The following ZNF804A variants were observed in gnomAD, a reference collection of about 807,000 sequenced individuals.
ZNF804A encodes the protein zinc finger protein 804A.
ZNF804A carries 2 observed loss-of-function variants against 16.5 expected under a neutral mutation model. That is an observed-to-expected ratio of 0.12 (90% confidence interval 0.05 to 0.38). The LOEUF (loss-of-function observed/expected upper bound fraction) is 0.38. Among genes scored for constraint, ZNF804A ranks in the 10% least tolerant of loss-of-function variants. The pLI, the probability that ZNF804A is intolerant of heterozygous loss-of-function variation, is 0.99. For synonymous variants in ZNF804A, 534 were observed against 489.6 expected, an observed-to-expected ratio of 1.09 and a Z score of -1.20; for missense variants, 1,473 against 1,390.7, an observed-to-expected ratio of 1.06 and a Z score of -0.94.
At chr2:184,898,786 GA>G (rs1327115884) in intron 2 of ZNF804A, among the ~76,000 whole-genome samples, 2 of 151,832 alleles carry the variant, frequency 1.3e-5, no homozygotes, top group Non-Finnish European at 1.5e-5. Flanking sequence ...TTCTTCCAAA[GA>G]AGAAATATCT....
At position 184,739,988 on chromosome 2, in the gene ZNF804A, T is replaced by C. The variant is rs986273255; in HGVS notation, c.112-126381T>C. ...TTGAATTAATTGAAATAGAATGAAA[T>C]ACAATTTTCTTGTAAGATTTATCAC... On this transcript the variant is annotated intron_variant, in intron 1 of 3. Transcript: ENST00000302277. 3.3e-5 allele frequency among the ~76,000 whole-genome samples: 5 copies of C among 152,308 alleles called. 1 individual carries two copies. Among genetic ancestry groups the C allele is most frequent in the Admixed American group, 3.3e-4 (5 of 15,290 alleles).
At chr2:184,764,982 A>C (rs72901884) in intron 1 of ZNF804A, among the ~76,000 whole-genome samples, 12,727 of 152,246 alleles carry the variant, frequency 0.084, 757 homozygotes, top group East Asian at 0.2. Flanking sequence ...TTTTAAAAAA[A>C]CTATTTCCTT....
intron 1 of ZNF804A, among the ~76,000 whole-genome samples, chr2:184,850,609 TTCTC>T (rs1695587509): frequency 6.6e-6 from 1 of 151,704 alleles, no homozygotes; most frequent in Non-Finnish European, 1.5e-5. Flanking sequence ...TTTTTTAACT[TTCTC>T]TCTTAAGAAC....
At chr2:184,836,403 C>T (rs1181837289) in intron 1 of ZNF804A, among the ~76,000 whole-genome samples, 2 of 152,030 alleles carry the variant, frequency 1.3e-5, no homozygotes, top group Non-Finnish European at 2.9e-5. Flanking sequence ...TAAGTCATTA[C>T]AGACAAGATA....
In ZNF804A at chr2:184,888,925, T is replaced by G. The variant is rs147035541; in HGVS notation, c.255+22413T>G. Among the ~76,000 whole-genome samples the G allele has an allele frequency of 2.6e-4, 40 of 152,184 alleles. No individual in the cohort carries two copies. The East Asian group carries it at 5.6e-3, about 21-fold the overall frequency. On this transcript the variant is annotated intron_variant, in intron 2 of 3. Transcript: ENST00000302277. ...GCTATTTTTCACTTTTTATAAAAAG[T>G]GTTTGTGTGTATGTGTGTATAATAA...
chr2:184,758,127 T>C (rs2105761962), intron 1 of ZNF804A, among the ~76,000 whole-genome samples: 1 of 152,084 alleles, frequency 6.6e-6, no homozygotes, highest in Non-Finnish European at 1.5e-5. Flanking sequence ...ATGGGGAAAT[T>C]TGACATCTCT....
At chr2:184,844,384 T>C (rs986756560) in intron 1 of ZNF804A, among the ~76,000 whole-genome samples, 4 of 152,150 alleles carry the variant, frequency 2.6e-5, no homozygotes, top group Non-Finnish European at 5.9e-5. Context: ...CTTCTTTTAA[T>C]AGTTTTTGCA....
At chr2:184,628,194 A>G (rs935546515) in intron 1 of ZNF804A, among the ~76,000 whole-genome samples, 1 of 152,068 alleles carries the variant, frequency 6.6e-6, no homozygotes, top group Admixed American at 6.6e-5. Context: ...CATGCCTGCA[A>G]TCCCAGCTAC....
intron 1 of ZNF804A, among the ~76,000 whole-genome samples, chr2:184,790,407 T>C (rs1694519658): frequency 6.6e-6 from 1 of 152,024 alleles, no homozygotes. Flanking sequence ...GGTGATTTTC[T>C]GCCTCAATGT....
At chr2:184,884,015 C>T (rs1471082009) in intron 2 of ZNF804A, among the ~76,000 whole-genome samples, 2 of 152,054 alleles carry the variant, frequency 1.3e-5, no homozygotes, top group African/African-American at 2.4e-5. Context: ...GAAAGTCAAA[C>T]TATCCTTGTA....
Position 184,761,100 on chromosome 2 carries a change from T to C in ZNF804A, c.112-105269T>C, listed in dbSNP as rs555773192. On this transcript the variant is annotated intron_variant, in intron 1 of 3. Transcript: ENST00000302277. Reference sequence around the variant, plus strand: ...CTTTTGAGTTCTTACTGGAATACTTTTCACGGAACTTAAATTAGTTTTACT... The same window carrying C: ...CTTTTGAGTTCTTACTGGAATACTTCTCACGGAACTTAAATTAGTTTTACT... Among the ~76,000 whole-genome samples the C allele has an allele frequency of 1.3e-4, 20 of 152,276 alleles. No individual in the cohort carries two copies. The East Asian group carries it at 3.9e-3, about 29-fold the overall frequency.
At chr2:184,777,494 TC>T (rs1475296116) in intron 1 of ZNF804A, among the ~76,000 whole-genome samples, 1 of 151,498 alleles carries the variant, frequency 6.6e-6, no homozygotes, top group Non-Finnish European at 1.5e-5. Context: ...TCACTGTCAT[TC>T]CCTTCACTTC....
chr2:184,842,512 A>AAT (rs1695453129), intron 1 of ZNF804A, among the ~76,000 whole-genome samples: 1 of 148,748 alleles, frequency 6.7e-6, no homozygotes, highest in South Asian at 2.1e-4. Flanking sequence ...TGGAGCTGGG[A>AAT]TTTTTTTTTT....
chr2:184,712,825 G>T (rs1225756863), intron 1 of ZNF804A, among the ~76,000 whole-genome samples: 3 of 151,466 alleles, frequency 2.0e-5, no homozygotes, highest in African/African-American at 4.8e-5. Flanking sequence ...TTTCAGTTTA[G>T]TTATACTCAT....
chr2:184,767,771 C>T (rs1377008252), intron 1 of ZNF804A, among the ~76,000 whole-genome samples: 1 of 151,930 alleles, frequency 6.6e-6, no homozygotes, highest in Non-Finnish European at 1.5e-5. Flanking sequence ...TAAGGAATTA[C>T]AAGGAGTCTA....
At chr2:184,722,345 T>C (rs957691946) in intron 1 of ZNF804A, among the ~76,000 whole-genome samples, 6 of 152,034 alleles carry the variant, frequency 3.9e-5, no homozygotes, top group African/African-American at 1.4e-4. Context: ...GGAAAATAAA[T>C]GGTGTACATC....
At chr2:184,742,888 G>A (rs1479841390) in intron 1 of ZNF804A, among the ~76,000 whole-genome samples, 1 of 151,846 alleles carries the variant, frequency 6.6e-6, no homozygotes, top group Admixed American at 6.6e-5. Context: ...TGGTGAAAGT[G>A]AGCCATGTTG....
At chr2:184,830,111 C>A (rs1021879056) in intron 1 of ZNF804A, among the ~76,000 whole-genome samples, 1 of 45,764 alleles carries the variant, frequency 2.2e-5, no homozygotes, top group Non-Finnish European at 3.7e-5. Flanking sequence ...CACACCCACC[C>A]ACACACACAC....
At chr2:184,822,622 C>G (rs1319679189) in intron 1 of ZNF804A, among the ~76,000 whole-genome samples, 3 of 152,060 alleles carry the variant, frequency 2.0e-5, no homozygotes, top group African/African-American at 7.2e-5. Context: ...CCAGCTTAAA[C>G]TTTTGAGCAG....
Sources: allele counts gnomAD v4.1 joint callset (sites outside exome capture counted in the v4.1 genomes callset), GRCh38; gene constraint gnomAD v4.1.1; transcripts MANE v1.5; gene names NCBI Gene and HGNC (gene_info 2026-07-23, HGNC 2026-07-21).